Variants in BACH2 observed in about 807,000 individuals in gnomAD.
BACH2 encodes BACH transcriptional regulator 2.
BACH2 carries 5 observed loss-of-function variants against 61.8 expected under a neutral mutation model. The ratio of observed to expected loss-of-function variants is 0.08; its 90% CI spans 0.04 to 0.17. BACH2 has a LOEUF of 0.17. BACH2 is among the 10% of genes least tolerant of loss of function. BACH2 has a pLI of 1.00. For synonymous variants in BACH2, 446 were observed against 440.1 expected (o/e 1.01, Z -0.17); for missense variants, 824 against 1,091.1 (o/e 0.76, Z 3.45).
intron 5 of BACH2, among the ~76,000 whole-genome samples, chr6:90,058,694 G>A (rs1780508713): frequency 6.6e-6 from 1 of 152,110 alleles, no homozygotes; most frequent in Admixed American, 6.6e-5. Flanking sequence ...GAACAAAGCT[G>A]GAGGCATCAC....
chr6:90,055,442 G>A (rs1022701042), intron 5 of BACH2, among the ~76,000 whole-genome samples: 3 of 152,064 alleles, frequency 2.0e-5, no homozygotes, highest in Admixed American at 6.6e-5. Context: ...AAAAAGAAAC[G>A]AACAAAGCCT....
At chr6:90,266,682 A>T (rs981089122) in intron 2 of BACH2, among the ~76,000 whole-genome samples, 1 of 152,226 alleles carries the variant, frequency 6.6e-6, no homozygotes, top group Non-Finnish European at 1.5e-5. Flanking sequence ...GACTCAATTT[A>T]TATGAAATAT....
intron 4 of BACH2, among the ~76,000 whole-genome samples, chr6:90,184,225 G>C (rs985378216): frequency 1.3e-5 from 2 of 152,176 alleles, no homozygotes; most frequent in Non-Finnish European, 2.9e-5. Flanking sequence ...ACTGAAACAT[G>C]CTCAGTGGAG....
intron 8 of BACH2, among the ~76,000 whole-genome samples, 178 bp downstream of exon 8, chr6:89,937,962 AACAC>A (rs879157481): frequency 1.7e-4 from 23 of 134,272 alleles, no homozygotes; most frequent in Non-Finnish European, 2.6e-4. Flanking sequence ...CAGACACACA[AACAC>A]ACACACACAC....
chr6:90,187,950 C>T (rs957388230), intron 4 of BACH2, among the ~76,000 whole-genome samples: 3 of 152,104 alleles, frequency 2.0e-5, no homozygotes, highest in Admixed American at 1.3e-4. Flanking sequence ...GCACAAGTGC[C>T]CCAGTGCTGA....
chr6:90,245,926 A>G (rs1023246388), intron 3 of BACH2, among the ~76,000 whole-genome samples: 2 of 152,232 alleles, frequency 1.3e-5, no homozygotes, highest in African/African-American at 4.8e-5. Flanking sequence ...CCCTCATTCC[A>G]TGACAGGAGG....
chr6:89,972,112 G>A lies in BACH2; in HGVS notation c.244-20250C>T, dbSNP rs370452065. ...CATGCAGTGTGGTGTGGCAGGAGCA[G>A]CAGCTGGGGCAAGGGCACAGGTGAA... On this transcript the variant is annotated intron_variant, in intron 6 of 8. Coordinates refer to ENST00000257749, the MANE Select transcript of BACH2 (RefSeq NM_021813.4). Among the ~76,000 whole-genome samples the A allele has an allele frequency of 1.5e-4, 23 of 152,350 alleles. No individual in the cohort carries two copies. In the East Asian group the frequency reaches 3.5e-3, roughly 23 times the overall value.
chr6:89,937,347 G>A (rs1200030522), intron 8 of BACH2, among the ~76,000 whole-genome samples: 2 of 152,086 alleles, frequency 1.3e-5, no homozygotes, highest in African/African-American at 4.8e-5. Context: ...CAGACACCTG[G>A]GTTTGCATTC....
intron 4 of BACH2, among the ~76,000 whole-genome samples, chr6:90,089,560 C>A (rs553162607): frequency 1.3e-5 from 2 of 152,116 alleles, no homozygotes; most frequent in Non-Finnish European, 2.9e-5. Flanking sequence ...GAGATGATTC[C>A]CTGATGCCTC....
At chr6:90,034,483 T>C (rs1489456670) in intron 5 of BACH2, among the ~76,000 whole-genome samples, 3 of 152,144 alleles carry the variant, frequency 2.0e-5, no homozygotes, top group African/African-American at 7.2e-5. Flanking sequence ...GGCCAATTAA[T>C]TATCAATTAC....
At chr6:90,152,619 G>A (rs375431581) in intron 4 of BACH2, among the ~76,000 whole-genome samples, 1 of 152,106 alleles carries the variant, frequency 6.6e-6, no homozygotes, top group Admixed American at 6.5e-5. Context: ...TGAAAGTCTT[G>A]AATGTAGCAT....
At position 90,008,932 on chromosome 6, in the gene BACH2, G is replaced by C; in HGVS notation, c.-12-76C>G. On this transcript the variant is annotated intron_variant, in intron 5 of 8. Transcript: ENST00000257749. The surrounding 1 kb of genome is among the most constrained non-coding windows in gnomAD (Gnocchi z 4.1). ...ACAGCTGTAGGATCAGAGAGAGGAG[G>C]TGAGAAAGAACATCATGGTTCCTGT... 1 of 1,523,162 alleles carries C rather than the reference G, an allele frequency of 6.6e-7. No homozygotes were observed. The highest frequency in any genetic ancestry group is 8.8e-7 in the Non-Finnish European group (1 of 1,130,814). 94.4% of individuals were successfully genotyped at this position (1,523,162 alleles called of 1,614,324 possible). A position where few individuals can be genotyped will look rare whatever the true frequency, so the allele number is the denominator to read the frequency against.
At chr6:90,102,682 C>T (rs1346204473) in intron 4 of BACH2, among the ~76,000 whole-genome samples, 4 of 151,446 alleles carry the variant, frequency 2.6e-5, no homozygotes, top group Non-Finnish European at 5.9e-5. Flanking sequence ...CCCAGCTACT[C>T]GGGAGGACGA....
chr6:90,074,045 C>T (rs1781365759), intron 5 of BACH2, among the ~76,000 whole-genome samples: 1 of 152,176 alleles, frequency 6.6e-6, no homozygotes, highest in African/African-American at 2.4e-5. Flanking sequence ...ATAGTGCATG[C>T]ACTTTGTATA....
In BACH2 at chr6:89,932,230, A is replaced by G. The variant is rs1772694039; in HGVS notation, c.*178T>C. 1 of 828,342 alleles carries G rather than the reference A, an allele frequency of 1.2e-6. No homozygotes were observed. The highest frequency in any genetic ancestry group is 2.3e-5 in the Admixed American group (1 of 42,782). 51.3% of individuals were successfully genotyped at this position (828,342 alleles called of 1,614,324 possible). ...GGGTAGCACCATTGTGAAGGTAACT[A>G]TCACTCCTGCTCGAGAAGAGGAGAG... On this transcript the variant is annotated 3_prime_UTR_variant, in exon 9 of 9. Transcript: ENST00000257749.
At chr6:90,182,145 C>G (rs1768186885) in intron 4 of BACH2, among the ~76,000 whole-genome samples, 1 of 152,190 alleles carries the variant, frequency 6.6e-6, no homozygotes. Context: ...TAGCAACCCT[C>G]TGTTGCACAG....
At chr6:90,195,916 T>C (rs1241958243) in intron 4 of BACH2, among the ~76,000 whole-genome samples, 1 of 152,204 alleles carries the variant, frequency 6.6e-6, no homozygotes, top group Non-Finnish European at 1.5e-5. Flanking sequence ...ATGTAGAAAG[T>C]AATCATAATA....
chr6:90,114,421 G>A (rs930590155), intron 4 of BACH2, among the ~76,000 whole-genome samples: 1 of 152,078 alleles, frequency 6.6e-6, no homozygotes, highest in Non-Finnish European at 1.5e-5. Flanking sequence ...AAAACCACAT[G>A]ATTATCTCAG....
intron 1 of BACH2, among the ~76,000 whole-genome samples, chr6:90,295,695 C>G (rs1772331950): frequency 6.7e-6 from 1 of 149,914 alleles, no homozygotes; most frequent in South Asian, 2.1e-4. Context: ...TGCACCTTGA[C>G]TTCATGGAGG....
Sources: allele counts gnomAD v4.1 joint callset (sites outside exome capture counted in the v4.1 genomes callset), GRCh38; gene constraint gnomAD v4.1.1; non-coding constraint Gnocchi (gnomAD v3.1); transcripts MANE v1.5; gene names NCBI Gene and HGNC (gene_info 2026-07-23, HGNC 2026-07-21).